Variants in CDH13 observed in about 807,000 individuals in gnomAD.
CDH13 encodes cadherin-13.
CDH13 carries 24 observed loss-of-function variants against 63.8 expected under a neutral mutation model. That is an observed-to-expected ratio of 0.38 (90% CI 0.27 to 0.53). CDH13 has a LOEUF of 0.53. Among genes scored for constraint, CDH13 ranks in the 20% least tolerant of loss-of-function variants. CDH13 has a pLI of 0.85. For synonymous variants in CDH13, 503 were observed against 355.3 expected (o/e 1.42, Z -4.67); for missense variants, 1,049 against 903.1 (o/e 1.16, Z -2.07).
intron 2 of CDH13, among the ~76,000 whole-genome samples, chr16:82,904,435 T>A (rs986166300): frequency 1.3e-5 from 2 of 152,180 alleles, no homozygotes; most frequent in African/African-American, 4.8e-5. Context: ...CAAGACACCC[T>A]CGTTGGTTCA....
intron 6 of CDH13, among the ~76,000 whole-genome samples, chr16:83,453,565 G>C (rs562682289): frequency 6.6e-6 from 1 of 152,054 alleles, no homozygotes; most frequent in African/African-American, 2.4e-5. Flanking sequence ...ATGTTGATGG[G>C]TGTCCTACAA....
chr16:83,577,367 T>C (rs893991694), intron 7 of CDH13, among the ~76,000 whole-genome samples: 2 of 152,198 alleles, frequency 1.3e-5, no homozygotes, highest in Non-Finnish European at 2.9e-5. Context: ...CACGCCTCAC[T>C]GCCAATTAAC....
chr16:83,261,317 C>T (rs149257658), intron 5 of CDH13, among the ~76,000 whole-genome samples: 1 of 152,256 alleles, frequency 6.6e-6, no homozygotes, highest in East Asian at 1.9e-4. Flanking sequence ...AACTTCATCC[C>T]CTCGATAAGC....
intron 7 of CDH13, among the ~76,000 whole-genome samples, chr16:83,535,172 G>A (rs997466112): frequency 2.0e-5 from 3 of 152,240 alleles, no homozygotes; most frequent in African/African-American, 7.2e-5. Context: ...GGGTGCTCCA[G>A]GCAGAGGGCA....
intron 6 of CDH13, chr16:83,396,639 T>C (rs1445714403): frequency 6.6e-6 from 1 of 152,120 alleles, no homozygotes; most frequent in Non-Finnish European, 1.5e-5. Context: ...GAAGGTAGGG[T>C]GGCCACTGAC....
At chr16:82,731,473 C>G (rs1032579430) in intron 1 of CDH13, among the ~76,000 whole-genome samples, 1 of 152,084 alleles carries the variant, frequency 6.6e-6, no homozygotes, top group African/African-American at 2.4e-5. Flanking sequence ...GTATATTGCC[C>G]CCCAGAACAC....
At chr16:83,543,740 C>T (rs1462319300) in intron 7 of CDH13, among the ~76,000 whole-genome samples, 1 of 152,178 alleles carries the variant, frequency 6.6e-6, no homozygotes, top group Non-Finnish European at 1.5e-5. Context: ...ATGCTGCTCT[C>T]ATCTAATGGA....
At chr16:83,605,508 T>C (rs1014554468) in intron 8 of CDH13, among the ~76,000 whole-genome samples, 11 of 152,192 alleles carry the variant, frequency 7.2e-5, no homozygotes, top group Non-Finnish European at 1.5e-4. Flanking sequence ...TTAAGTGCTC[T>C]ACATCCCAGT....
At chr16:82,971,215 C>G (rs753316174) in intron 2 of CDH13, among the ~76,000 whole-genome samples, 1 of 152,214 alleles carries the variant, frequency 6.6e-6, no homozygotes, top group Non-Finnish European at 1.5e-5. Flanking sequence ...AACTCACCAG[C>G]AGGATTCAGT....
intron 2 of CDH13, among the ~76,000 whole-genome samples, chr16:82,992,103 T>C (rs1025002793): frequency 2.6e-5 from 4 of 152,186 alleles, no homozygotes; most frequent in Non-Finnish European, 1.5e-5. Context: ...ATTAACCTCA[T>C]TAAGGACATG....
rs1205679910 is a variant in CDH13 at position 82,644,545 on chromosome 16, C to T, written c.45+17408C>T. ...GCCTAGAGCTGGTCCCCAGACCAGG[C>T]CCAGTGCACGAGTTTGGGTGCTGGA... On this transcript the variant is annotated intron_variant, in intron 1 of 13. Coordinates refer to ENST00000567109, the MANE Select transcript of CDH13 (RefSeq NM_001257.5). This position sits in a 1 kb window ranked among gnomAD's most constrained non-coding sequence, Gnocchi z 5.7. 6.6e-6 allele frequency among the ~76,000 whole-genome samples: 1 copy of T among 152,154 alleles called. No homozygotes were observed. Among genetic ancestry groups the T allele is most frequent in the Non-Finnish European group, 1.5e-5 (1 of 68,026 alleles).
intron 3 of CDH13, among the ~76,000 whole-genome samples, chr16:83,054,027 C>A (rs544116223): frequency 1.7e-4 from 26 of 152,238 alleles, no homozygotes; most frequent in African/African-American, 6.3e-4. Context: ...TACACAAATA[C>A]CATTGTGTTA....
intron 5 of CDH13, among the ~76,000 whole-genome samples, chr16:83,300,007 G>T (rs1310369127): frequency 2.7e-5 from 4 of 147,912 alleles, no homozygotes; most frequent in Non-Finnish European, 5.9e-5. Flanking sequence ...GTTGTCAAAT[G>T]AGAGCCTCAG....
At chr16:82,685,584 G>T (rs1199928970) in intron 1 of CDH13, among the ~76,000 whole-genome samples, 2 of 152,230 alleles carry the variant, frequency 1.3e-5, no homozygotes, top group Non-Finnish European at 2.9e-5. Context: ...AGAAAGATGT[G>T]TTTGTGCCTG....
At chr16:83,482,030 G>A (rs566104556) in intron 6 of CDH13, among the ~76,000 whole-genome samples, 17 of 152,244 alleles carry the variant, frequency 1.1e-4, no homozygotes, top group Admixed American at 3.9e-4. Context: ...GCATAGCATT[G>A]GTATGTGACC....
At chr16:82,841,496 A>G (rs2039008503) in intron 1 of CDH13, among the ~76,000 whole-genome samples, 1 of 152,178 alleles carries the variant, frequency 6.6e-6, no homozygotes, top group Non-Finnish European at 1.5e-5. Flanking sequence ...ATTATCTCTG[A>G]TCATTTGAGC....
At chr16:83,243,728 C>G (rs1006671653) in intron 5 of CDH13, among the ~76,000 whole-genome samples, 6 of 152,136 alleles carry the variant, frequency 3.9e-5, no homozygotes, top group Admixed American at 6.5e-5. Context: ...TAGGCTAGGA[C>G]TACAAACATA....
At chr16:83,734,884 C>T (rs141444431) in intron 10 of CDH13, among the ~76,000 whole-genome samples, 1,836 of 151,822 alleles carry the variant, frequency 0.012, 36 homozygotes, top group African/African-American at 0.042. Flanking sequence ...TAAGTTTCAG[C>T]TCCTTGATTT....
chr16:83,399,935 C>T (rs558026063), intron 6 of CDH13, among the ~76,000 whole-genome samples: 6 of 152,260 alleles, frequency 3.9e-5, no homozygotes, highest in African/African-American at 7.2e-5. Flanking sequence ...GTAAATAGGA[C>T]ATTATAAGAA....
Sources: gnomAD v4.1 joint callset for allele counts (sites outside exome capture counted in the v4.1 genomes callset) on GRCh38, gnomAD v4.1.1 for gene constraint, Gnocchi (gnomAD v3.1) non-coding constraint, MANE v1.5 for transcripts, NCBI Gene and HGNC (gene_info 2026-07-23, HGNC 2026-07-21) for gene names.